The following STOX1 variants were observed in gnomAD, a reference collection of about 807,000 sequenced individuals.
The protein encoded by STOX1 is storkhead box 1.
Under a neutral mutation model 74.8 loss-of-function variants are expected in STOX1, and 57 were observed. The ratio of observed to expected loss-of-function variants is 0.76; its 90% confidence interval spans 0.62 to 0.95. The LOEUF (loss-of-function observed/expected upper bound fraction) is 0.95, where lower values mean the gene tolerates loss of function less well. Among genes scored for constraint, STOX1 ranks in the 40% least tolerant of loss-of-function variants. The pLI is 0.00. For synonymous variants in STOX1, 375 were observed against 401.3 expected, an observed-to-expected ratio of 0.93 and a Z score of 0.78; for missense variants, 1,010 against 1,117.0, an observed-to-expected ratio of 0.90 and a Z score of 1.37.
chr10:68,869,523 T>C (rs1564581788), intron 1 of STOX1, among the ~76,000 whole-genome samples: 1 of 152,116 alleles, frequency 6.6e-6, no homozygotes, highest in South Asian at 2.1e-4. Flanking sequence ...ATGACAGGAT[T>C]TTGAAACGCT....
chr10:68,893,655 G>C (rs571703570), downstream of STOX1, among the ~76,000 whole-genome samples: 1 of 152,300 alleles, frequency 6.6e-6, no homozygotes, highest in East Asian at 1.9e-4. Context: ...CTGACCTCGT[G>C]ATCCACCCGC....
At chr10:68,863,496 T>C (rs1840319560) in intron 1 of STOX1, among the ~76,000 whole-genome samples, 2 of 152,102 alleles carry the variant, frequency 1.3e-5, no homozygotes, top group South Asian at 4.1e-4. Context: ...AGCTTTAGCT[T>C]CTTTCCAGGT....
intron 1 of STOX1, among the ~76,000 whole-genome samples, chr10:68,853,995 T>C (rs113982762): frequency 0.012 from 1,836 of 151,232 alleles, 51 homozygotes; most frequent in African/African-American, 0.039. Flanking sequence ...TTTTTCTTTT[T>C]TTTTTTCTTT....
intron 1 of STOX1, among the ~76,000 whole-genome samples, chr10:68,846,161 ATTT>A (rs1839850180): frequency 7.4e-6 from 1 of 136,026 alleles, no homozygotes; most frequent in Non-Finnish European, 1.6e-5. Context: ...TATTATTATT[ATTT>A]GAGACGGAGT....
intron 1 of STOX1, among the ~76,000 whole-genome samples, chr10:68,867,924 C>G (rs1340504450): frequency 6.6e-6 from 1 of 152,278 alleles, no homozygotes; most frequent in Non-Finnish European, 1.5e-5. Context: ...TTCTGAGGAG[C>G]TGCTGAAGCA....
chr10:68,880,159 CTTT>C (rs1564585749), intron 1 of STOX1, among the ~76,000 whole-genome samples: 35 of 113,554 alleles, frequency 3.1e-4, no homozygotes, highest in Non-Finnish European at 5.5e-4. Context: ...AGTTTTCTTT[CTTT>C]CCTTTTTTTT....
chr10:68,867,739 G>T (rs372349009), intron 1 of STOX1, among the ~76,000 whole-genome samples: 76 of 152,340 alleles, frequency 5.0e-4, no homozygotes, highest in African/African-American at 1.8e-3. Context: ...AGCCCACACT[G>T]ACCAGACAGT....
intron 1 of STOX1, among the ~76,000 whole-genome samples, chr10:68,851,932 G>A (rs1201129986): frequency 1.3e-5 from 2 of 151,674 alleles, no homozygotes; most frequent in Admixed American, 6.6e-5. Context: ...TCAGGAGTTC[G>A]AGACCAACCT....
rs779338907 is a variant in STOX1, at chr10:68,885,569, G to A, written c.1773G>A (p.Leu591=). 2.4e-5 allele frequency: 39 copies of A among 1,614,070 alleles called. No homozygotes were observed. Among genetic ancestry groups the A allele is most frequent in the Non-Finnish European group, 2.0e-5 (24 of 1,180,038 alleles). Residue 591 remains leucine, a synonymous_variant, in exon 3 of 4, where the codon TTG becomes TTA. Transcript: ENST00000298596. Reference sequence around the variant, plus strand: ...TCAGTCACCCTCAACAGAGCATGTTGCAAAATGATGGTAAATGCTGTCCCT... The same window carrying A: ...TCAGTCACCCTCAACAGAGCATGTTACAAAATGATGGTAAATGCTGTCCCT... ...HLFSHPQQSM[L]QNDGKCCPFM...
At chr10:68,872,812 A>G (rs142206704) in intron 1 of STOX1, among the ~76,000 whole-genome samples, 1 of 152,226 alleles carries the variant, frequency 6.6e-6, no homozygotes, top group East Asian at 1.9e-4. Context: ...AGATTCAAGC[A>G]TCCTGATTTA....
intron 1 of STOX1, among the ~76,000 whole-genome samples, chr10:68,868,950 A>G (rs963349319): frequency 3.9e-5 from 6 of 152,200 alleles, no homozygotes; most frequent in Admixed American, 2.0e-4. Flanking sequence ...TCACTAATTA[A>G]TACTCAAAGA....
intron 1 of STOX1, among the ~76,000 whole-genome samples, chr10:68,861,000 G>A (rs890587175): frequency 1.3e-5 from 2 of 152,066 alleles, no homozygotes; most frequent in Admixed American, 6.5e-5. Context: ...CCTGAGTTCA[G>A]GAGTTCAAGA....
At chr10:68,894,449 G>A (rs899867809), downstream of STOX1, among the ~76,000 whole-genome samples, 1 of 152,216 alleles carries the variant, frequency 6.6e-6, no homozygotes, top group Admixed American at 6.5e-5. Context: ...CCCTGTGGAA[G>A]TGCAAATGAC....
At chr10:68,888,152 G>A (rs1431125449) in intron 3 of STOX1, among the ~76,000 whole-genome samples, 1 of 152,028 alleles carries the variant, frequency 6.6e-6, no homozygotes, top group African/African-American at 2.4e-5. Flanking sequence ...CCAGGCTGGA[G>A]TACAATGGTG....
rs185389058 is a variant in STOX1 at position 68,829,161 on chromosome 10, G to A, written c.310+1228G>A. On this transcript the variant is annotated intron_variant, in intron 1 of 3. Transcript: ENST00000298596. ...CATAAATCATCCTCTTCCATCCGAG[G>A]AGAAGGAGTCGCAAATAAAAAACAT... Among the ~76,000 whole-genome samples, 191 of 152,314 alleles carry A rather than the reference G, an allele frequency of 1.3e-3. 1 individual carries two copies. Among genetic ancestry groups the A allele is most frequent in the Non-Finnish European group, 2.6e-3 (174 of 68,036 alleles).
rs371650385 is a variant in STOX1, at chr10:68,828,285, G to A, written c.310+352G>A. The A allele has an allele frequency of 2.9e-4, 334 of 1,161,992 alleles. 1 individual carries two copies. In the African/African-American group the frequency reaches 4.9e-3, roughly 17 times the overall value. 72.0% of individuals were successfully genotyped at this position (1,161,992 alleles called of 1,614,324 possible). On this transcript the variant is annotated intron_variant, in intron 1 of 3. Transcript: ENST00000298596. ...AGGGCGGTGGGTGAGTGCGGGACCC[G>A]GAGGGGAGGGGCGTCCCGCGCCAGC...
intron 1 of STOX1, among the ~76,000 whole-genome samples, chr10:68,868,466 G>A (rs1840461704): frequency 6.6e-6 from 1 of 152,226 alleles, no homozygotes; most frequent in Non-Finnish European, 1.5e-5. Flanking sequence ...TGGGCCAGGT[G>A]TTCCTTGCCC....
intron 1 of STOX1, among the ~76,000 whole-genome samples, chr10:68,865,534 A>G (rs1157773077): frequency 6.6e-6 from 1 of 152,190 alleles, no homozygotes; most frequent in African/African-American, 2.4e-5. Context: ...CTGTAGTCCC[A>G]GCTACTCGGG....
At chr10:68,830,914 A>G (rs1839389990) in intron 1 of STOX1, among the ~76,000 whole-genome samples, 1 of 152,182 alleles carries the variant, frequency 6.6e-6, no homozygotes, top group Non-Finnish European at 1.5e-5. Flanking sequence ...CCCTAGGTTC[A>G]TATCAAAAGA....
Sources: allele counts gnomAD v4.1 joint callset (sites outside exome capture counted in the v4.1 genomes callset), GRCh38; gene constraint gnomAD v4.1.1; transcripts MANE v1.5; gene names NCBI Gene and HGNC (gene_info 2026-07-23, HGNC 2026-07-21).